Variants in TICRR observed in about 807,000 individuals in gnomAD.
TICRR encodes the protein TOPBP1 interacting checkpoint and replication regulator, also known as treslin.
In TICRR, 132 loss-of-function variants were observed where a neutral mutation model predicts 178.1. The ratio of observed to expected loss-of-function variants is 0.74; its 90% CI spans 0.64 to 0.86. The LOEUF (loss-of-function observed/expected upper bound fraction) is 0.86, where lower values mean the gene tolerates loss of function less well. Among genes scored for constraint, TICRR ranks in the 40% least tolerant of loss-of-function variants. TICRR has a pLI of 0.00. For missense variants in TICRR, 2,587 were observed against 2,334.3 expected (o/e 1.11, Z -2.23); for synonymous variants, 991 against 900.7 (o/e 1.10, Z -1.79).
rs755164032 is a variant in TICRR at position 89,600,583 on chromosome 15, AG to A, written c.2053del. 6.7e-7 allele frequency: 1 copy of A among 1,490,308 alleles called. No individual in the cohort carries two copies. Among genetic ancestry groups the A allele is most frequent in the South Asian group, 1.3e-5 (1 of 78,358 alleles). The allele number at this position is 1,490,308 out of a possible 1,614,324, so 92.3% of individuals were successfully genotyped here. A position where few individuals can be genotyped will look rare whatever the true frequency, so the allele number is the denominator to read the frequency against. On this transcript the variant is annotated splice_acceptor_variant, in intron 8 of 21. Transcript: ENST00000268138. LOFTEE classifies it high-confidence loss of function. The stretch of plus-strand genomic sequence containing the variant: ...TCCTATGTAATAATTTTGTATTTTT[AG>A]GTGAACTGCCTGAATCAAGTAAAAA...
intron 19 of TICRR, 147 bp from the exon 20 acceptor site, chr15:89,623,476 G>GA: frequency 1.2e-6 from 1 of 844,478 alleles, no homozygotes; most frequent in South Asian, 1.9e-5. Flanking sequence ...TTTGGAGAGG[G>GA]AAACGGGTCA....
At chr15:89,626,140 C>T (rs2141987147) in intron 21 of TICRR, 79 bp downstream of exon 21, 2 of 1,551,412 alleles carry the variant, frequency 1.3e-6, no homozygotes, top group Non-Finnish European at 1.7e-6. Context: ...CAGCTCGATT[C>T]TAGAGGAGCC....
rs1963383539 is a variant in TICRR, at chr15:89,619,219, TTC to T, written c.3020-487_3020-486del. Among the ~76,000 whole-genome samples, 4 of 124,710 alleles carry T rather than the reference TTC, an allele frequency of 3.2e-5. No individual in the cohort carries two copies. In the South Asian group the frequency reaches 1.0e-3, roughly 31 times the overall value. The allele number at this position is 124,710 out of a possible 152,430, so 81.8% of individuals were successfully genotyped here. On this transcript the variant is annotated intron_variant, in intron 17 of 21. Transcript: ENST00000268138. The stretch of plus-strand genomic sequence containing the variant: ...TACTTGTTTTCGCCCTACACCATTC[TTC>T]TTTTTTTTTTTTTTTTTTTGGTGAG...
Position 89,575,722 on chromosome 15 carries a change from G to A in TICRR, c.136G>A (p.Ala46Thr), listed in dbSNP as rs368837336. The A allele has an allele frequency of 2.8e-5, 45 of 1,609,828 alleles. No individual in the cohort carries two copies. In the East Asian group the frequency reaches 4.2e-4, roughly 15 times the overall value. Residue 46 changes from alanine to threonine, a missense_variant, in exon 1 of 22, where the codon GCC becomes ACC. By Grantham distance (58) the Ala-to-Thr change is moderately conservative. Coordinates refer to ENST00000268138, the MANE Select transcript of TICRR (RefSeq NM_152259.4). Reference sequence around the variant, plus strand: ...ATTCGGCCTGGCCAGGGTCCACTGGGCCTTCAAGTTCTTTGACTCGCAGGG... The same window carrying A: ...ATTCGGCCTGGCCAGGGTCCACTGGACCTTCAAGTTCTTTGACTCGCAGGG... ...CRFGLARVHW[A>T]FKFFDSQGAR...
At chr15:89,588,413 T>C (rs1432136615) in intron 4 of TICRR, among the ~76,000 whole-genome samples, 1 of 151,884 alleles carries the variant, frequency 6.6e-6, no homozygotes, top group Non-Finnish European at 1.5e-5. Flanking sequence ...GTGGTAAAGC[T>C]AGAGAGGGGT....
intron 15 of TICRR, among the ~76,000 whole-genome samples, chr15:89,612,871 T>C (rs1162823202): frequency 6.6e-6 from 1 of 152,240 alleles, no homozygotes; most frequent in East Asian, 1.9e-4. Flanking sequence ...CTATCCCTTC[T>C]TAGTTCTATA....
rs752439482 is a variant in TICRR at position 89,575,934 on chromosome 15, C to G, written c.348C>G (p.Pro116=). 5 of 1,596,006 alleles carry G rather than the reference C, an allele frequency of 3.1e-6. No individual in the cohort carries two copies. The highest frequency in any genetic ancestry group is 1.7e-5 in the Admixed American group (1 of 57,764). Residue 116 remains proline (P), a synonymous_variant, in exon 1 of 22, where the codon CCC becomes CCG. Coordinates refer to ENST00000268138, the MANE Select transcript of TICRR (RefSeq NM_152259.4). The part of the protein sequence containing the change: ...ETLLDYQWDR[P]EITSPTKPIL... ...TGCTAGACTACCAGTGGGACCGGCCCGAGATCACGTCGCCCACGAAGCCGA... is the reference window on the plus strand; with the variant it reads ...TGCTAGACTACCAGTGGGACCGGCCGGAGATCACGTCGCCCACGAAGCCGA...
At chr15:89,576,854 T>TACAC (rs1962629647) in intron 1 of TICRR, among the ~76,000 whole-genome samples, 3 of 75,828 alleles carry the variant, frequency 4.0e-5, no homozygotes, top group African/African-American at 1.3e-4. Flanking sequence ...TATATATATA[T>TACAC]ATATATACAC....
rs779123562 is a variant in TICRR, at chr15:89,624,473, C to T, written c.4163C>T (p.Thr1388Ile). The change falls in exon 20 of 22, where the codon ACC becomes ATC. Residue 1388 changes from threonine (T) to isoleucine (I), a missense_variant. By Grantham distance (89) the Thr-to-Ile change is moderately conservative. Transcript: ENST00000268138. The stretch of plus-strand genomic sequence containing the variant: ...AAAGTTGGGAAACGGTGTAGAAAGA[C>T]CTCTGATCCCAGAAGGAGCATCGTG... ...PSKVGKRCRK[T>I]SDPRRSIVEC... 8 of 1,614,060 alleles carry T rather than the reference C, an allele frequency of 5.0e-6. No individual in the cohort carries two copies. The African/African-American group carries it at 6.7e-5, about 13-fold the overall frequency.
At chr15:89,592,018 C>G (rs762479384) in intron 4 of TICRR, 29 bp from the exon 5 acceptor site, 9 of 1,591,216 alleles carry the variant, frequency 5.7e-6, no homozygotes, top group Non-Finnish European at 7.7e-6. Context: ...GCTGTTTCCT[C>G]TCCTGCCGCT....
In TICRR at chr15:89,575,602, A is replaced by C. The variant is rs2141946593; in HGVS notation, c.16A>C (p.Lys6Gln). 6.6e-7 allele frequency: 1 copy of C among 1,509,506 alleles called. No individual in the cohort carries two copies. The allele number at this position is 1,509,506 out of a possible 1,614,324, so 93.5% of individuals were successfully genotyped here. A position where few individuals can be genotyped will look rare whatever the true frequency, so the allele number is the denominator to read the frequency against. Reference protein sequence around the residue: MACCHKVMLLLDTAGG... With the variant: MACCHQVMLLLDTAGG... ...CACGGCCGATATGGCATGCTGTCAC[A>C]AAGTAATGCTGCTGCTGGACACCGC... The change falls in exon 1 of 22, where the codon AAA becomes CAA. Residue 6 changes from lysine to glutamine, a missense_variant. Transcript: ENST00000268138.
At chr15:89,595,148 T>C (rs1962975721) in intron 6 of TICRR, among the ~76,000 whole-genome samples, 2 of 152,194 alleles carry the variant, frequency 1.3e-5, no homozygotes, top group South Asian at 2.1e-4. Context: ...AAACCATCCA[T>C]TGAGATGTTT....
chr15:89,586,667 A>G (rs1841977384), intron 4 of TICRR, among the ~76,000 whole-genome samples: 1 of 152,214 alleles, frequency 6.6e-6, no homozygotes, highest in African/African-American at 2.4e-5. Flanking sequence ...CCTTGCTGAA[A>G]AAATGATATT....
chr15:89,605,206 A>C (rs1963156786), intron 13 of TICRR, among the ~76,000 whole-genome samples: 1 of 152,198 alleles, frequency 6.6e-6, no homozygotes, highest in African/African-American at 2.4e-5. Context: ...ACATCTATTC[A>C]GTTCTGCTAT....
At chr15:89,601,436 T>C in intron 10 of TICRR, 45 bp downstream of exon 10, 1 of 1,613,056 alleles carries the variant, frequency 6.2e-7, no homozygotes, top group Non-Finnish European at 8.5e-7. Flanking sequence ...CTAGATGCTT[T>C]CAGCTTCCCT....
At position 89,584,610 on chromosome 15, in the gene TICRR, A is replaced by C. The variant is rs796633173; in HGVS notation, c.1176+83A>C. On this transcript the variant is annotated intron_variant, in intron 3 of 21. Transcript: ENST00000268138. ...ATAAGTGTGTTTATAAATGCCCTAC[A>C]CAATATAGTCTTAGTAAAACTGATT... 9.3e-6 allele frequency: 13 copies of C among 1,392,310 alleles called. No homozygotes were observed. The African/African-American group carries it at 1.9e-4, about 20-fold the overall frequency. The allele number at this position is 1,392,310 out of a possible 1,614,324, so 86.2% of individuals were successfully genotyped here. A position where few individuals can be genotyped will look rare whatever the true frequency, so the allele number is the denominator to read the frequency against.
Position 89,625,475 on chromosome 15 carries a change from A to C in TICRR, c.5165A>C (p.Asp1722Ala). ...TCACTGCTTGAGTCAGAGGGCAAGG[A>C]CCACGGCCTTGAACTCAGCATCCAC... ...SLSLLESEGKDHGLELSIHRT... is the reference protein window; with the variant it reads ...SLSLLESEGKAHGLELSIHRT... Residue 1722 changes from aspartate (D) to alanine (A), a missense_variant, in exon 20 of 22, where the codon GAC becomes GCC. Transcript: ENST00000268138. 6.2e-7 allele frequency: 1 copy of C among 1,613,894 alleles called. No homozygotes were observed. The highest frequency in any genetic ancestry group is 8.5e-7 in the Non-Finnish European group (1 of 1,180,000).
At chr15:89,581,819 C>T (rs1282244709) in intron 1 of TICRR, among the ~76,000 whole-genome samples, 2 of 152,052 alleles carry the variant, frequency 1.3e-5, no homozygotes, top group Non-Finnish European at 2.9e-5. Context: ...ACTTAGAGCA[C>T]CATGGAGGAA....
At chr15:89,618,037 G>A (rs1963363654) in intron 16 of TICRR, 115 bp from the exon 17 acceptor site, 3 of 1,052,400 alleles carry the variant, frequency 2.9e-6, no homozygotes, top group Non-Finnish European at 4.5e-6. Flanking sequence ...ACCAGCACTG[G>A]TGTTATCAGA....
Sources: allele counts gnomAD v4.1 joint callset (sites outside exome capture counted in the v4.1 genomes callset), GRCh38; gene constraint gnomAD v4.1.1; transcripts MANE v1.5; gene names NCBI Gene and HGNC (gene_info 2026-07-23, HGNC 2026-07-21).